MFSD11: variants seen among roughly 807,000 people sequenced by gnomAD.
MFSD11 encodes major facilitator superfamily domain containing 11, also known as UNC93-like protein MFSD11.
MFSD11 carries 36 observed loss-of-function variants against 53.5 expected under a neutral mutation model. That is an observed-to-expected ratio of 0.67 (90% CI 0.52 to 0.89). The LOEUF is 0.89. MFSD11 is among the 40% of genes least tolerant of loss of function. The probability of loss-of-function intolerance (pLI) is 0.00; values close to 1 mark genes in which losing one functional copy is unlikely to be tolerated. For missense variants in MFSD11, 530 were observed against 543.9 expected (o/e 0.97, Z 0.25); for synonymous variants, 186 against 184.9 (o/e 1.01, Z -0.05).
At chr17:76,793,360 T>C in the MFSD11 span, among the ~76,000 whole-genome samples, 163 of 151,566 alleles carry the variant, frequency 1.1e-3, 7 homozygotes, top group African/African-American at 3.8e-3. Flanking sequence ...AGAAAAATAA[T>C]TCAGCAATAT....
intron 7 of MFSD11, among the ~76,000 whole-genome samples, chr17:76,744,969 G>A (rs951137493): frequency 2.0e-5 from 3 of 152,088 alleles, no homozygotes; most frequent in Non-Finnish European, 2.9e-5. Flanking sequence ...TTACATAGGC[G>A]GTTTTCCCCA....
At chr17:76,754,632 C>T (rs1057066423) in intron 8 of MFSD11, among the ~76,000 whole-genome samples, 1 of 140,808 alleles carries the variant, frequency 7.1e-6, no homozygotes, top group Non-Finnish European at 1.5e-5. Flanking sequence ...TGTAGTGAGC[C>T]GAGATTGCCC....
Position 76,778,411 on chromosome 17 carries a change from G to A in MFSD11, c.*59G>A. 2 of 1,560,378 alleles carry A rather than the reference G, an allele frequency of 1.3e-6. No homozygotes were observed. Among genetic ancestry groups the A allele is most frequent in the African/African-American group, 2.7e-5 (2 of 73,438 alleles). On this transcript the variant is annotated 3_prime_UTR_variant, in exon 13 of 13. Coordinates refer to ENST00000685175, the MANE Select transcript of MFSD11 (RefSeq NM_001242532.5). Reference sequence around the variant, plus strand: ...GAAACACAGCTGGACACAGAGCTTGGTGGAAGAAGTCGCCTTTGATCTTCA... The same window carrying A: ...GAAACACAGCTGGACACAGAGCTTGATGGAAGAAGTCGCCTTTGATCTTCA...
chr17:76,745,289 T>G (rs1443903743), intron 7 of MFSD11: 1 of 152,238 alleles, frequency 6.6e-6, no homozygotes, highest in East Asian at 1.9e-4. Context: ...GAGCATTAGA[T>G]GCTCCAGATT....
intron 8 of MFSD11, among the ~76,000 whole-genome samples, chr17:76,761,916 G>A (rs545422009): frequency 1.5e-3 from 219 of 145,660 alleles, no homozygotes; most frequent in Admixed American, 4.8e-3. Context: ...GCTAGACTCC[G>A]TCTCAAAAAA....
chr17:76,760,519 TTTTC>T (rs2080114767), intron 8 of MFSD11, among the ~76,000 whole-genome samples: 1 of 148,064 alleles, frequency 6.8e-6, no homozygotes, highest in African/African-American at 2.6e-5. Flanking sequence ...TTAGAAGCAG[TTTTC>T]TTTCTTTTTT....
chr17:76,775,847 T>C (rs2081781570), intron 11 of MFSD11, among the ~76,000 whole-genome samples: 1 of 152,224 alleles, frequency 6.6e-6, no homozygotes, highest in Non-Finnish European at 1.5e-5. Flanking sequence ...CTTCTGGTCT[T>C]GATAAGGGAT....
chr17:76,737,226 C>G, upstream of MFSD11: 1 of 1,466,264 alleles, frequency 6.8e-7, no homozygotes, highest in Non-Finnish European at 9.1e-7. Flanking sequence ...GGCGGTGCGA[C>G]GCCGCGCCTC....
chr17:76,755,547 A>C (rs2079473890), intron 8 of MFSD11, among the ~76,000 whole-genome samples: 2 of 151,868 alleles, frequency 1.3e-5, no homozygotes, highest in African/African-American at 4.8e-5. Context: ...TCTTGATCTA[A>C]TCAGCCATGG....
rs929734571 is a variant in MFSD11, at chr17:76,779,207, T to G, written c.*855T>G. On this transcript the variant is annotated 3_prime_UTR_variant, in exon 13 of 13. Transcript: ENST00000685175. The stretch of plus-strand genomic sequence containing the variant: ...AGGCGGAGGTTGCAGTGAGCCGAGA[T>G]CGTGCCATTGCACTCCAGCCTGGAT... 7.2e-6 allele frequency: 1 copy of G among 139,090 alleles called. No homozygotes were observed. Among genetic ancestry groups the G allele is most frequent in the African/African-American group, 2.8e-5 (1 of 36,210 alleles). 8.6% of individuals were successfully genotyped at this position (139,090 alleles called of 1,614,324 possible).
chr17:76,782,717 A>T (rs2082199340), downstream of MFSD11, among the ~76,000 whole-genome samples: 1 of 150,780 alleles, frequency 6.6e-6, no homozygotes, highest in Admixed American at 6.6e-5. Context: ...TGACCTCATG[A>T]TCCACCCACC....
intron 7 of MFSD11, among the ~76,000 whole-genome samples, chr17:76,753,682 T>A (rs2079279036): frequency 1.9e-5 from 1 of 53,772 alleles, no homozygotes. Context: ...AGTGCGACCC[T>A]GTCTCAAAAA....
At chr17:76,761,001 C>G (rs572030189) in intron 8 of MFSD11, among the ~76,000 whole-genome samples, 54 of 152,044 alleles carry the variant, frequency 3.6e-4, no homozygotes, top group Middle Eastern at 3.4e-3. Flanking sequence ...GTCAGGAGTT[C>G]GAGACCAGCC....
intron 9 of MFSD11, among the ~76,000 whole-genome samples, chr17:76,768,165 A>G (rs2081039545): frequency 1.3e-5 from 2 of 152,022 alleles, no homozygotes; most frequent in Admixed American, 1.3e-4. Flanking sequence ...TTAGCCGAGT[A>G]TGGTGGTGCA....
At chr17:76,798,828 G>C in the MFSD11 span, among the ~76,000 whole-genome samples, 7 of 151,842 alleles carry the variant, frequency 4.6e-5, no homozygotes, top group Non-Finnish European at 8.8e-5. Flanking sequence ...AGGAGTTCGA[G>C]ACCAGCCTGA....
chr17:76,798,862 T>G, the MFSD11 span, among the ~76,000 whole-genome samples: 1 of 151,510 alleles, frequency 6.6e-6, no homozygotes, highest in Non-Finnish European at 1.5e-5. Flanking sequence ...GCCCCGTCTC[T>G]ACGAAAAATA....
chr17:76,791,711 G>T, the MFSD11 span, among the ~76,000 whole-genome samples: 1 of 148,982 alleles, frequency 6.7e-6, no homozygotes, highest in African/African-American at 2.5e-5. Flanking sequence ...GCCAGAGCTT[G>T]CTTTCCACTA....
chr17:76,758,767 G>C (rs1342439830), intron 8 of MFSD11, among the ~76,000 whole-genome samples: 1 of 151,956 alleles, frequency 6.6e-6, no homozygotes, highest in Admixed American at 6.6e-5. Context: ...TTACAAATAT[G>C]GAAAAAATTG....
chr17:76,741,829 C>A, intron 3 of MFSD11, 140 bp from the exon 4 acceptor site: 1 of 1,301,534 alleles, frequency 7.7e-7, no homozygotes, highest in Non-Finnish European at 1.1e-6. Context: ...TTGATTGTGT[C>A]CCTTTTTTCA....
Sources: allele counts gnomAD v4.1 joint callset (sites outside exome capture counted in the v4.1 genomes callset), GRCh38; gene constraint gnomAD v4.1.1; transcripts MANE v1.5; gene names NCBI Gene and HGNC (gene_info 2026-07-23, HGNC 2026-07-21).